The following SLC2A10 variants were observed in gnomAD, a reference collection of about 807,000 sequenced individuals.
SLC2A10 encodes the protein solute carrier family 2 member 10, also known as solute carrier family 2, facilitated glucose transporter member 10.
SLC2A10 carries 25 observed loss-of-function variants against 32.1 expected under a neutral mutation model. That is an observed-to-expected ratio of 0.78 (90% CI 0.57 to 1.09). The LOEUF (loss-of-function observed/expected upper bound fraction) is 1.09, where lower values mean the gene tolerates loss of function less well. Among genes scored for constraint, SLC2A10 ranks in the 50% least tolerant of loss-of-function variants. The probability of loss-of-function intolerance (pLI) is 0.00; values close to 1 mark genes in which losing one functional copy is unlikely to be tolerated. For missense variants in SLC2A10, 673 were observed against 686.5 expected (o/e 0.98, Z 0.22); for synonymous variants, 332 against 309.6 (o/e 1.07, Z -0.76).
chr20:46,726,048 C>T lies in SLC2A10; in HGVS notation c.1012C>T (p.Gln338Ter). 6.2e-7 allele frequency: 1 copy of T among 1,614,158 alleles called. No individual in the cohort carries two copies. The highest frequency in any genetic ancestry group is 8.5e-7 in the Non-Finnish European group (1 of 1,180,028). Residue 338 changes from glutamine (Q) to a stop codon, truncating the protein, a stop_gained, in exon 2 of 5, where the codon CAG becomes TAG. Coordinates refer to ENST00000359271, the MANE Select transcript of SLC2A10 (RefSeq NM_030777.4). LOFTEE classifies it high-confidence loss of function. ...SCLAVPNATG[Q>*]TGLPGDSGLL... ...TCTGGCTGTGCCCAATGCCACCGGG[C>T]AGACAGGCCTCCCTGGAGACTCTGG...
At chr20:46,718,907 C>G (rs1979401248) in intron 1 of SLC2A10, among the ~76,000 whole-genome samples, 1 of 152,266 alleles carries the variant, frequency 6.6e-6, no homozygotes, top group South Asian at 2.1e-4. Context: ...TCCTGATTAG[C>G]TGGAACTACA....
chr20:46,716,990 T>A (rs1409027556), intron 1 of SLC2A10, among the ~76,000 whole-genome samples: 1 of 152,132 alleles, frequency 6.6e-6, no homozygotes. Context: ...GCCACTGCGC[T>A]CCAGCCTGGG....
intron 3 of SLC2A10, among the ~76,000 whole-genome samples, chr20:46,727,338 TG>T (rs1289149324): frequency 1.3e-5 from 2 of 152,192 alleles, no homozygotes; most frequent in Non-Finnish European, 2.9e-5. Flanking sequence ...TAATTTTTTT[TG>T]AGATGGAATC....
At chr20:46,721,192 T>A (rs997202608) in intron 1 of SLC2A10, among the ~76,000 whole-genome samples, 63 of 152,258 alleles carry the variant, frequency 4.1e-4, no homozygotes, top group African/African-American at 1.3e-3. Flanking sequence ...ACAGAGCTAC[T>A]CAGATTCAGT....
chr20:46,710,079 C>G (rs921022345), intron 1 of SLC2A10: 9 of 469,894 alleles, frequency 1.9e-5, no homozygotes, highest in Non-Finnish European at 3.3e-5. Context: ...AATGGAGGCT[C>G]CGAAAGAAGC....
chr20:46,719,451 G>C (rs1258422471), intron 1 of SLC2A10, among the ~76,000 whole-genome samples: 5 of 152,184 alleles, frequency 3.3e-5, no homozygotes, highest in Non-Finnish European at 7.3e-5. Context: ...GTCTGGGGAG[G>C]CCTCAAAATC....
Position 46,735,568 on chromosome 20 carries a change from G to A in SLC2A10, c.*1734G>A, listed in dbSNP as rs370448359. On this transcript the variant is annotated 3_prime_UTR_variant, in exon 5 of 5. Coordinates refer to ENST00000359271, the MANE Select transcript of SLC2A10 (RefSeq NM_030777.4). ...TATGGAGACCTAGGGGAGACACCGC[G>A]CATCTCTTCCTGATTCCCCACTCAA... 5 of 152,112 alleles carry A rather than the reference G, an allele frequency of 3.3e-5. No homozygotes were observed. The highest frequency in any genetic ancestry group is 4.8e-5 in the African/African-American group (2 of 41,416). 9.4% of individuals were successfully genotyped at this position (152,112 alleles called of 1,614,324 possible).
chr20:46,734,098 T>G lies in SLC2A10; in HGVS notation c.*264T>G, dbSNP rs948851627. 1.8e-6 allele frequency: 1 copy of G among 545,982 alleles called. No individual in the cohort carries two copies. The highest frequency in any genetic ancestry group is 3.3e-6 in the Non-Finnish European group (1 of 304,248). 33.8% of individuals were successfully genotyped at this position (545,982 alleles called of 1,614,324 possible). On this transcript the variant is annotated 3_prime_UTR_variant, in exon 5 of 5. Coordinates refer to ENST00000359271, the MANE Select transcript of SLC2A10 (RefSeq NM_030777.4). Reference sequence around the variant, plus strand: ...ATTGACTTGCACATCTCTGCAGTATTTATAAGAAGAATATTCTATGAAGTC... The same window carrying G: ...ATTGACTTGCACATCTCTGCAGTATGTATAAGAAGAATATTCTATGAAGTC...
At chr20:46,729,305 G>C in intron 3 of SLC2A10, 48 bp from the exon 4 acceptor site, 1 of 1,611,914 alleles carries the variant, frequency 6.2e-7, no homozygotes, top group Non-Finnish European at 8.5e-7. Flanking sequence ...AGGCTGCGGG[G>C]CCAGAGTGCT....
At chr20:46,733,624 G>A in intron 4 of SLC2A10, 132 bp from the exon 5 acceptor site, 1 of 757,542 alleles carries the variant, frequency 1.3e-6, no homozygotes, top group Non-Finnish European at 2.4e-6. Flanking sequence ...TTGTAATAAG[G>A]CAGGAGGCAG....
At position 46,726,305 on chromosome 20, in the gene SLC2A10, C is replaced by G. The variant is rs1057524067; in HGVS notation, c.1269C>G (p.Phe423Leu). Residue 423 changes from phenylalanine to leucine, a missense_variant, in exon 2 of 5, where the codon TTC becomes TTG. Phe to Leu is a conservative substitution (Grantham distance 22, BLOSUM62 0). Coordinates refer to ENST00000359271, the MANE Select transcript of SLC2A10 (RefSeq NM_030777.4). ...GCCTGATGGTCTTTGTCAGTGCCTT[C>G]TCCTTTGGGTTTGGGCCAGGTAAGT... ...LLCLMVFVSAFSFGFGPVTWL... is the reference protein window; with the variant it reads ...LLCLMVFVSALSFGFGPVTWL... 1 of 1,610,676 alleles carries G rather than the reference C, an allele frequency of 6.2e-7. No individual in the cohort carries two copies. The highest frequency in any genetic ancestry group is 8.5e-7 in the Non-Finnish European group (1 of 1,180,034).
At chr20:46,709,628 C>T (rs1217598757), upstream of SLC2A10, 4 of 1,380,430 alleles carry the variant, frequency 2.9e-6, no homozygotes, top group East Asian at 2.8e-5. Context: ...GGGACAGAGG[C>T]GGGGGCGGGC....
Position 46,733,927 on chromosome 20 carries a change from G to A in SLC2A10, c.*93G>A. On this transcript the variant is annotated 3_prime_UTR_variant, in exon 5 of 5. Transcript: ENST00000359271. ...AGGCCCCAGAGCACAAGTTCCAGCT[G>A]GTCTTTTGGGAGTGGCCCCTGCCCC... The A allele has an allele frequency of 7.7e-7, 1 of 1,295,394 alleles. No individual in the cohort carries two copies. Among genetic ancestry groups the A allele is most frequent in the Non-Finnish European group, 1.1e-6 (1 of 908,952 alleles). The allele number at this position is 1,295,394 out of a possible 1,614,324, so 80.2% of individuals were successfully genotyped here. A position where few individuals can be genotyped will look rare whatever the true frequency, so the allele number is the denominator to read the frequency against.
intron 1 of SLC2A10, among the ~76,000 whole-genome samples, chr20:46,712,196 C>G (rs1410185461): frequency 6.6e-6 from 1 of 152,168 alleles, no homozygotes; most frequent in Non-Finnish European, 1.5e-5. Flanking sequence ...GCTGCAATTG[C>G]TGGGACATTT....
chr20:46,718,762 G>C (rs1271719730), intron 1 of SLC2A10, among the ~76,000 whole-genome samples: 1 of 151,808 alleles, frequency 6.6e-6, no homozygotes, highest in Non-Finnish European at 1.5e-5. Flanking sequence ...AAGTAATTTA[G>C]ATGTATATTT....
intron 1 of SLC2A10, among the ~76,000 whole-genome samples, chr20:46,724,268 C>T (rs771113636): frequency 5.3e-5 from 8 of 152,204 alleles, no homozygotes; most frequent in African/African-American, 1.9e-4. Context: ...ATCTGTATTC[C>T]AGCCCTAAGA....
intron 1 of SLC2A10, among the ~76,000 whole-genome samples, chr20:46,711,704 C>G (rs964671601): frequency 4.6e-5 from 7 of 152,164 alleles, no homozygotes; most frequent in African/African-American, 1.7e-4. Flanking sequence ...TCTTACACAG[C>G]AGGGACCAGG....
chr20:46,716,534 T>C (rs1312746729), intron 1 of SLC2A10, among the ~76,000 whole-genome samples: 3 of 152,156 alleles, frequency 2.0e-5, no homozygotes, highest in Non-Finnish European at 4.4e-5. Context: ...CAGATGTCCT[T>C]GTCAGGTCCA....
chr20:46,728,237 C>T lies in SLC2A10; in HGVS notation c.1412-1116C>T, dbSNP rs2425904. Among the ~76,000 whole-genome samples the T allele has an allele frequency of 0.28, 42,658 of 152,064 alleles. 7,041 individuals are homozygous for T. Among genetic ancestry groups the T allele is most frequent in the East Asian group, 0.58 (3,001 of 5,160 alleles). On this transcript the variant is annotated intron_variant, in intron 3 of 4. Coordinates refer to ENST00000359271, the MANE Select transcript of SLC2A10 (RefSeq NM_030777.4). Reference sequence around the variant, plus strand: ...GACTAGAACCAGCCCCACTGCCTTCCAGCCCATTGCTCTCCCTGCTGGCGA... The same window carrying T: ...GACTAGAACCAGCCCCACTGCCTTCTAGCCCATTGCTCTCCCTGCTGGCGA...
Sources: allele counts gnomAD v4.1 joint callset (sites outside exome capture counted in the v4.1 genomes callset), GRCh38; gene constraint gnomAD v4.1.1; transcripts MANE v1.5; gene names NCBI Gene and HGNC (gene_info 2026-07-23, HGNC 2026-07-21).